UBE2E2: variants seen among roughly 807,000 people sequenced by gnomAD.
UBE2E2 encodes the protein ubiquitin-conjugating enzyme E2 E2.
UBE2E2 carries 6 observed loss-of-function variants against 24.7 expected under a neutral mutation model. That is an observed-to-expected ratio of 0.24 (90% CI 0.13 to 0.48). The LOEUF is 0.48. Ranked by LOEUF, UBE2E2 falls within the 20% of genes least tolerant of loss-of-function variation. UBE2E2 has a pLI of 0.99. For synonymous variants in UBE2E2, 104 were observed against 83.6 expected (o/e 1.24, Z -1.33); for missense variants, 169 against 245.0 (o/e 0.69, Z 2.07).
intron 3 of UBE2E2, among the ~76,000 whole-genome samples, chr3:23,416,815 A>G (rs999854731): frequency 6.6e-6 from 1 of 151,798 alleles, no homozygotes; most frequent in Non-Finnish European, 1.5e-5. Flanking sequence ...GCAGTCTCTG[A>G]TATCTTTTCT....
Position 23,434,401 on chromosome 3 carries a change from A to C in UBE2E2, c.228-65207A>C, listed in dbSNP as rs144356718. ...AAGAGAATAAAGTTTGCATCCCCCA[A>C]ATGACACAATTGTGCATTAGCTCTA... On this transcript the variant is annotated intron_variant, in intron 3 of 5. Transcript: ENST00000396703. Among the ~76,000 whole-genome samples, 267 of 152,222 alleles carry C rather than the reference A, an allele frequency of 1.8e-3. 2 individuals carry two copies. The Middle Eastern group carries it at 0.02, about 12-fold the overall frequency.
chr3:23,368,012 TACAC>T, intron 3 of UBE2E2, among the ~76,000 whole-genome samples: 1 of 152,290 alleles, frequency 6.6e-6, no homozygotes. Context: ...GAATGGTCGA[TACAC>T]ATATAGATAT....
At chr3:23,422,502 A>T (rs3104243) in intron 3 of UBE2E2, among the ~76,000 whole-genome samples, 2 of 152,022 alleles carry the variant, frequency 1.3e-5, no homozygotes, top group African/African-American at 4.8e-5. Flanking sequence ...AACTGAGCAG[A>T]TAAACAAGCA....
intron 4 of UBE2E2, among the ~76,000 whole-genome samples, chr3:23,506,178 T>C (rs535318988): frequency 6.6e-6 from 1 of 152,346 alleles, no homozygotes; most frequent in Non-Finnish European, 1.5e-5. Flanking sequence ...TGTCATGGAA[T>C]AACATGAATT....
intron 3 of UBE2E2, among the ~76,000 whole-genome samples, chr3:23,405,105 C>T (rs1697322618): frequency 6.6e-6 from 1 of 152,142 alleles, no homozygotes; most frequent in Admixed American, 6.6e-5. Flanking sequence ...CAACAGTTTG[C>T]TGTACAATAT....
At chr3:23,517,604 A>T (rs964350099) in intron 4 of UBE2E2, among the ~76,000 whole-genome samples, 1 of 152,216 alleles carries the variant, frequency 6.6e-6, no homozygotes, top group Non-Finnish European at 1.5e-5. Context: ...GATAAAAATC[A>T]GTATCAGAGA....
chr3:23,548,865 G>A (rs569569549), intron 5 of UBE2E2, among the ~76,000 whole-genome samples: 36 of 152,154 alleles, frequency 2.4e-4, no homozygotes, highest in Admixed American at 1.0e-3. Flanking sequence ...ATATAATCTT[G>A]GAATATCCCT....
intron 3 of UBE2E2, among the ~76,000 whole-genome samples, chr3:23,431,526 G>A (rs923302108): frequency 2.6e-5 from 4 of 152,120 alleles, no homozygotes; most frequent in African/African-American, 9.6e-5. Context: ...TCTGATGCCT[G>A]TGAGCTGTGG....
chr3:23,530,578 A>G (rs1028699843), intron 4 of UBE2E2, among the ~76,000 whole-genome samples: 2 of 152,194 alleles, frequency 1.3e-5, no homozygotes, highest in African/African-American at 2.4e-5. Context: ...TTTACACAGT[A>G]TATGTATCTA....
At chr3:23,354,420 G>T (rs1284981054) in intron 3 of UBE2E2, among the ~76,000 whole-genome samples, 1 of 152,124 alleles carries the variant, frequency 6.6e-6, no homozygotes, top group East Asian at 1.9e-4. Flanking sequence ...CACAGCAAAA[G>T]AAACTACCAT....
At chr3:23,440,083 G>C (rs568602067) in intron 3 of UBE2E2, among the ~76,000 whole-genome samples, 194 of 152,138 alleles carry the variant, frequency 1.3e-3, no homozygotes, top group Non-Finnish European at 2.4e-3. Flanking sequence ...AGACCAGCCT[G>C]GCCAAGATGG....
At chr3:23,299,561 C>A (rs1699011498) in intron 3 of UBE2E2, among the ~76,000 whole-genome samples, 1 of 152,132 alleles carries the variant, frequency 6.6e-6, no homozygotes, top group Non-Finnish European at 1.5e-5. Context: ...CATTCAGGAG[C>A]AGGTTGTTCA....
chr3:23,255,446 G>A (rs1028543698), intron 3 of UBE2E2, among the ~76,000 whole-genome samples: 10 of 152,142 alleles, frequency 6.6e-5, no homozygotes, highest in African/African-American at 2.4e-4. Flanking sequence ...TTAAAATAAC[G>A]CAGTGTAGAA....
intron 3 of UBE2E2, among the ~76,000 whole-genome samples, chr3:23,328,823 G>T (rs145160537): frequency 6.6e-6 from 1 of 151,924 alleles, no homozygotes; most frequent in Non-Finnish European, 1.5e-5. Context: ...CACCATGCCC[G>T]GCTGATTTTT....
At chr3:23,420,904 T>C (rs1697780922) in intron 3 of UBE2E2, among the ~76,000 whole-genome samples, 1 of 152,198 alleles carries the variant, frequency 6.6e-6, no homozygotes, top group South Asian at 2.1e-4. Flanking sequence ...AGAGTAAAGA[T>C]ATGAAGAACT....
chr3:23,275,531 G>A (rs1207292299), intron 3 of UBE2E2, among the ~76,000 whole-genome samples: 1 of 152,178 alleles, frequency 6.6e-6, no homozygotes, highest in African/African-American at 2.4e-5. Flanking sequence ...AGTGTTTTTA[G>A]GGAGGACCCG....
intron 3 of UBE2E2, among the ~76,000 whole-genome samples, chr3:23,424,630 AAGCAAATTG>A (rs1180912018): frequency 6.6e-6 from 1 of 152,166 alleles, no homozygotes; most frequent in Non-Finnish European, 1.5e-5. Flanking sequence ...AAGAATGAAA[AAGCAAATTG>A]AGCTAATGTA....
At chr3:23,203,548 C>G in intron 1 of UBE2E2, 84 bp downstream of exon 1, 1 of 852,720 alleles carries the variant, frequency 1.2e-6, no homozygotes, top group Non-Finnish European at 1.4e-6. Context: ...CCGACCTCCC[C>G]TCCGCGTCGC....
In UBE2E2 at chr3:23,589,943, T is replaced by A. The variant is rs1696723489; in HGVS notation, c.*112T>A. 5 of 992,902 alleles carry A rather than the reference T, an allele frequency of 5.0e-6. No homozygotes were observed. The highest frequency in any genetic ancestry group is 7.4e-6 in the Non-Finnish European group (5 of 677,272). The allele number at this position is 992,902 out of a possible 1,614,324, so 61.5% of individuals were successfully genotyped here. On this transcript the variant is annotated 3_prime_UTR_variant, in exon 6 of 6. Coordinates refer to ENST00000396703, the MANE Select transcript of UBE2E2 (RefSeq NM_152653.4). The surrounding 1 kb of genome is among the most constrained non-coding windows in gnomAD (Gnocchi z 4.1). ...TTCTTATTTTCCTATTTTTATTAAA[T>A]TTGGAACCATTTTGTGATGGTATGT...
Sources: gnomAD v4.1 joint callset for allele counts (sites outside exome capture counted in the v4.1 genomes callset) on GRCh38, gnomAD v4.1.1 for gene constraint, Gnocchi (gnomAD v3.1) non-coding constraint, MANE v1.5 for transcripts, NCBI Gene and HGNC (gene_info 2026-07-23, HGNC 2026-07-21) for gene names.